Variants in SYNDIG1 observed in about 807,000 individuals in gnomAD.
SYNDIG1 encodes synapse differentiation inducing 1, also known as synapse differentiation-inducing gene protein 1.
SYNDIG1 carries 9 observed loss-of-function variants against 19.4 expected under a neutral mutation model. The ratio of observed to expected loss-of-function variants is 0.46; its 90% CI spans 0.28 to 0.81. SYNDIG1 has a LOEUF of 0.81. Ranked by LOEUF, SYNDIG1 falls within the 30% of genes least tolerant of loss-of-function variation. The pLI is 0.12. For missense variants in SYNDIG1, 311 were observed against 343.3 expected, an observed-to-expected ratio of 0.91 and a Z score of 0.74; for synonymous variants, 141 against 145.9, an observed-to-expected ratio of 0.97 and a Z score of 0.24.
intron 1 of SYNDIG1, among the ~76,000 whole-genome samples, chr20:24,492,515 C>T (rs1023881067): frequency 6.6e-6 from 1 of 152,224 alleles, no homozygotes; most frequent in African/African-American, 2.4e-5. Context: ...GCACTGCCTT[C>T]TCTTTTCTTC....
chr20:24,471,722 C>T (rs755996127), intron 1 of SYNDIG1, among the ~76,000 whole-genome samples: 4 of 151,996 alleles, frequency 2.6e-5, no homozygotes, highest in Non-Finnish European at 5.9e-5. Context: ...TTTGTGTACC[C>T]CCCACCCAGT....
At chr20:24,638,122 T>G (rs938800158) in intron 3 of SYNDIG1, among the ~76,000 whole-genome samples, 13 of 152,136 alleles carry the variant, frequency 8.5e-5, no homozygotes, top group African/African-American at 3.1e-4. Flanking sequence ...CGGGCACGGC[T>G]CACCTCTCAG....
chr20:24,553,499 G>T (rs2057749146), intron 2 of SYNDIG1, among the ~76,000 whole-genome samples: 1 of 152,176 alleles, frequency 6.6e-6, no homozygotes, highest in Non-Finnish European at 1.5e-5. Context: ...AAGGTGTAAG[G>T]AAGGGATCCA....
chr20:24,536,077 A>C (rs573387854), intron 1 of SYNDIG1, among the ~76,000 whole-genome samples: 16 of 152,322 alleles, frequency 1.1e-4, no homozygotes, highest in African/African-American at 3.6e-4. Context: ...CATCATCAGA[A>C]CTGCAAGGAT....
In SYNDIG1 at chr20:24,567,144, G is replaced by A. The variant is rs1023407547; in HGVS notation, c.481-17712G>A. Among the ~76,000 whole-genome samples the A allele has an allele frequency of 2.0e-5, 3 of 152,256 alleles. No individual in the cohort carries two copies. The South Asian group carries it at 6.2e-4, about 32-fold the overall frequency. ...AATTCAGGCTTGCGGATGGTTTGAA[G>A]GGTGAGTAAAGCAGGGTTTTATTGA... On this transcript the variant is annotated intron_variant, in intron 2 of 3. Transcript: ENST00000376862.
intron 1 of SYNDIG1, among the ~76,000 whole-genome samples, chr20:24,512,332 AG>A (rs2146470262): frequency 6.6e-6 from 1 of 151,120 alleles, no homozygotes; most frequent in Non-Finnish European, 1.5e-5. Flanking sequence ...GAGCCAAAGC[AG>A]GGCGAGGCAT....
intron 3 of SYNDIG1, among the ~76,000 whole-genome samples, chr20:24,585,511 A>T (rs997756711): frequency 6.6e-6 from 1 of 152,120 alleles, no homozygotes; most frequent in African/African-American, 2.4e-5. Context: ...TGGAAATAGC[A>T]CATCTCAGCA....
At chr20:24,598,654 C>T (rs1307048986) in intron 3 of SYNDIG1, among the ~76,000 whole-genome samples, 2 of 152,236 alleles carry the variant, frequency 1.3e-5, no homozygotes, top group African/African-American at 4.8e-5. Context: ...CTAGTCCAAT[C>T]TCATTCATGA....
At chr20:24,500,397 A>G (rs2056411873) in intron 1 of SYNDIG1, among the ~76,000 whole-genome samples, 1 of 152,132 alleles carries the variant, frequency 6.6e-6, no homozygotes, top group Admixed American at 6.5e-5. Context: ...AGTTTCCACA[A>G]AACATTGGGC....
intron 1 of SYNDIG1, among the ~76,000 whole-genome samples, chr20:24,518,297 G>A (rs1397739288): frequency 6.6e-6 from 1 of 152,032 alleles, no homozygotes; most frequent in Non-Finnish European, 1.5e-5. Flanking sequence ...GGCCGGCTCT[G>A]GACTGGTACT....
chr20:24,489,559 A>G (rs902369931), intron 1 of SYNDIG1, among the ~76,000 whole-genome samples: 2 of 152,150 alleles, frequency 1.3e-5, no homozygotes, highest in Non-Finnish European at 2.9e-5. Context: ...TCACAGGGAC[A>G]GGCACAGACA....
intron 2 of SYNDIG1, among the ~76,000 whole-genome samples, chr20:24,568,045 G>A (rs1203845516): frequency 6.6e-6 from 1 of 152,208 alleles, no homozygotes; most frequent in Admixed American, 6.5e-5. Flanking sequence ...GGAGGCTGAG[G>A]CAGGAGAATC....
At chr20:24,470,652 G>T (rs1171358822) in intron 1 of SYNDIG1, among the ~76,000 whole-genome samples, 1 of 152,236 alleles carries the variant, frequency 6.6e-6, no homozygotes, top group Non-Finnish European at 1.5e-5. Flanking sequence ...TTGTCCCTAT[G>T]CGCTTTTTGC....
rs1600849345 is a variant in SYNDIG1 at position 24,665,362 on chromosome 20, C to T, written c.635C>T (p.Ala212Val). ...YLSHETNKAV[A>V]KGDLHQASTS... ...ACTCTGCAGACCAACAAAGCCGTGG[C>T]CAAGGGGGACTTGCACCAGGCCAGC... Residue 212 changes from alanine to valine, a missense_variant, in exon 4 of 4, where the codon GCC (alanine) becomes GTC (valine). Ala to Val is a moderately conservative substitution (Grantham distance 64). Coordinates refer to ENST00000376862, the MANE Select transcript of SYNDIG1 (RefSeq NM_024893.3). The T allele has an allele frequency of 6.2e-7, 1 of 1,602,318 alleles. No homozygotes were observed. Among genetic ancestry groups the T allele is most frequent in the East Asian group, 2.2e-5 (1 of 44,560 alleles).
intron 1 of SYNDIG1, among the ~76,000 whole-genome samples, chr20:24,500,530 C>CT (rs1555786845): frequency 0.039 from 4,151 of 105,390 alleles, 178 homozygotes; most frequent in African/African-American, 0.14. Flanking sequence ...TTCTTTCTTT[C>CT]TTCTTTCTTT....
At chr20:24,582,171 G>A (rs1330971155) in intron 2 of SYNDIG1, among the ~76,000 whole-genome samples, 9 of 51,388 alleles carry the variant, frequency 1.8e-4, no homozygotes, top group African/African-American at 4.0e-4. Context: ...ACTCCCTCCC[G>A]ATTGCAAGTC....
chr20:24,476,733 C>T (rs2055639727), intron 1 of SYNDIG1, among the ~76,000 whole-genome samples: 1 of 152,062 alleles, frequency 6.6e-6, no homozygotes, highest in Non-Finnish European at 1.5e-5. Flanking sequence ...GTATCACACA[C>T]TTTGTTCACA....
At chr20:24,642,529 G>GA (rs2059388489) in intron 3 of SYNDIG1, among the ~76,000 whole-genome samples, 1 of 152,150 alleles carries the variant, frequency 6.6e-6, no homozygotes, top group Non-Finnish European at 1.5e-5. Flanking sequence ...GTCTGTGTGG[G>GA]AGATTTGTCT....
At chr20:24,630,953 T>C (rs947452546) in intron 3 of SYNDIG1, among the ~76,000 whole-genome samples, 7 of 152,310 alleles carry the variant, frequency 4.6e-5, no homozygotes, top group Middle Eastern at 6.8e-3. Flanking sequence ...GATCACATGA[T>C]GATTTGGGTC....
Sources: allele counts gnomAD v4.1 joint callset (sites outside exome capture counted in the v4.1 genomes callset), GRCh38; gene constraint gnomAD v4.1.1; transcripts MANE v1.5; gene names NCBI Gene and HGNC (gene_info 2026-07-23, HGNC 2026-07-21).